TMEM232: variants seen among roughly 807,000 people sequenced by gnomAD.
TMEM232 encodes the protein transmembrane protein 232.
Under a neutral mutation model 78.8 loss-of-function variants are expected in TMEM232, and 80 were observed. That is an observed-to-expected ratio of 1.01 (90% confidence interval 0.85 to 1.22). TMEM232 has a LOEUF of 1.22. Ranked by LOEUF, TMEM232 falls within the 50% of genes most tolerant of loss-of-function variation. TMEM232 has a pLI of 0.00. For missense variants in TMEM232, 881 were observed against 742.2 expected (o/e 1.19, Z -2.17); for synonymous variants, 297 against 254.3 (o/e 1.17, Z -1.60).
chr5:110,553,492 G>A (rs1040241018), intron 11 of TMEM232, among the ~76,000 whole-genome samples: 3 of 151,868 alleles, frequency 2.0e-5, no homozygotes, highest in African/African-American at 7.3e-5. Context: ...TGACTATTGT[G>A]AATGGTATTG....
At chr5:110,667,997 T>A (rs1034788377) in intron 1 of TMEM232, among the ~76,000 whole-genome samples, 1 of 152,096 alleles carries the variant, frequency 6.6e-6, no homozygotes, top group Admixed American at 6.6e-5. Context: ...TTGTGTTTAG[T>A]GGAGATTTAG....
At chr5:110,621,277 A>G (rs1783718356) in intron 7 of TMEM232, among the ~76,000 whole-genome samples, 1 of 152,310 alleles carries the variant, frequency 6.6e-6, no homozygotes, top group African/African-American at 2.4e-5. Flanking sequence ...ATCATCACAT[A>G]TATCATCAGT....
In TMEM232 at chr5:110,524,363, A is replaced by AAAG. The variant is rs1296115700; in HGVS notation, c.1703+4224_1703+4225insCTT. 6.6e-5 allele frequency among the ~76,000 whole-genome samples: 8 copies of AAAG among 120,390 alleles called. No individual in the cohort carries two copies. The East Asian group carries it at 1.2e-3, about 18-fold the overall frequency. 79.0% of individuals were successfully genotyped at this position (120,390 alleles called of 152,430 possible). On this transcript the variant is annotated intron_variant, in intron 12 of 13. Coordinates refer to ENST00000455884, the MANE Select transcript of TMEM232 (RefSeq NM_001039763.4). ...AAAGAAAGAGAAAGAAAGAAAGAAAAAAAGAAAGAAAGAAAGAAAGAAAGA... is the reference window on the plus strand; with the variant it reads ...AAAGAAAGAGAAAGAAAGAAAGAAAAAAGAAAGAAAGAAAGAAAGAAAGAAAGA...
intron 1 of TMEM232, among the ~76,000 whole-genome samples, chr5:110,704,225 T>G (rs1180936162): frequency 6.6e-6 from 1 of 152,098 alleles, no homozygotes; most frequent in East Asian, 1.9e-4. Flanking sequence ...CACCTGAACT[T>G]TGTTGGAGAG....
rs946368691 is a variant in TMEM232 at position 110,642,310 on chromosome 5, C to T, written c.187G>A (p.Glu63Lys). ...GCTAGTTCCAACAATTCTTCCTTCT[C>T]TTTGGAATTTTGTGTTTGATTGAAT... Reference protein sequence around the residue: ...LRFNQTQNSKEKEELLELARK... With the variant: ...LRFNQTQNSKKKEELLELARK... The change falls in exon 3 of 14, where the codon GAG (glutamate) becomes AAG (lysine). Residue 63 changes from glutamate (E) to lysine (K), a missense_variant. By Grantham distance (56) the Glu-to-Lys change is moderately conservative. Coordinates refer to ENST00000455884, the MANE Select transcript of TMEM232 (RefSeq NM_001039763.4). The T allele has an allele frequency of 6.5e-7, 1 of 1,539,656 alleles. No homozygotes were observed. Among genetic ancestry groups the T allele is most frequent in the Non-Finnish European group, 8.8e-7 (1 of 1,142,688 alleles).
chr5:110,608,615 A>G (rs1391571588), intron 8 of TMEM232, among the ~76,000 whole-genome samples: 2 of 152,078 alleles, frequency 1.3e-5, no homozygotes, highest in Non-Finnish European at 2.9e-5. Context: ...AAGATCCATC[A>G]GTGTTAGCCA....
intron 2 of TMEM232, among the ~76,000 whole-genome samples, chr5:110,646,005 A>C (rs2150037166): frequency 6.6e-6 from 1 of 151,802 alleles, no homozygotes; most frequent in East Asian, 1.9e-4. Context: ...AAATTTATCA[A>C]AGAGGTGAAA....
chr5:110,422,899 A>G (rs929764337), intron 13 of TMEM232, among the ~76,000 whole-genome samples: 2 of 152,174 alleles, frequency 1.3e-5, no homozygotes, highest in African/African-American at 4.8e-5. Context: ...AGGAAGCAAA[A>G]AAATAGATAT....
At chr5:110,726,088 A>G (rs1219858528) in intron 1 of TMEM232, among the ~76,000 whole-genome samples, 3 of 142,948 alleles carry the variant, frequency 2.1e-5, no homozygotes, top group Non-Finnish European at 3.0e-5. Flanking sequence ...ACACATCTCC[A>G]ATATACCCCC....
Position 110,709,955 on chromosome 5 carries a change from A to T in TMEM232, c.-13+16672T>A, listed in dbSNP as rs571353927. Among the ~76,000 whole-genome samples the T allele has an allele frequency of 2.0e-5, 3 of 152,136 alleles. No individual in the cohort carries two copies. The East Asian group carries it at 5.8e-4, about 29-fold the overall frequency. Reference sequence around the variant, plus strand: ...TAAGTGACTTTGAAATGAAGAAAAAAATCAAAAAAATCAATTACCATGAAA... The same window carrying T: ...TAAGTGACTTTGAAATGAAGAAAAATATCAAAAAAATCAATTACCATGAAA... On this transcript the variant is annotated intron_variant, in intron 1 of 13. Coordinates refer to ENST00000455884, the MANE Select transcript of TMEM232 (RefSeq NM_001039763.4).
At chr5:110,634,435 T>G (rs1046026975) in intron 5 of TMEM232, among the ~76,000 whole-genome samples, 1 of 152,068 alleles carries the variant, frequency 6.6e-6, no homozygotes, top group Admixed American at 6.6e-5. Context: ...CCAGGTTAGA[T>G]CATATGCTAG....
At chr5:110,638,122 T>C (rs1469893378) in intron 5 of TMEM232, 76 bp downstream of exon 5, 1 of 1,148,378 alleles carries the variant, frequency 8.7e-7, no homozygotes, top group African/African-American at 1.6e-5. Flanking sequence ...TCTGTTTTGA[T>C]CCTAAAACAG....
Position 110,645,936 on chromosome 5 carries a change from G to A in TMEM232, c.126-3565C>T, listed in dbSNP as rs1045672513. On this transcript the variant is annotated intron_variant, in intron 2 of 13. Transcript: ENST00000455884. ...ATAAACAATGAACTATCCAAAATAG[G>A]AAATGGAGAAAACAATCCTATTTAT... Among the ~76,000 whole-genome samples, 4 of 151,424 alleles carry A rather than the reference G, an allele frequency of 2.6e-5. No individual in the cohort carries two copies. In the South Asian group the frequency reaches 8.3e-4, roughly 31 times the overall value.
chr5:110,540,777 C>T (rs1187003826), intron 11 of TMEM232, among the ~76,000 whole-genome samples: 1 of 152,170 alleles, frequency 6.6e-6, no homozygotes, highest in African/African-American at 2.4e-5. Context: ...AAAAGCTTAA[C>T]ATCTATACAG....
chr5:110,650,899 G>T (rs1005786624), intron 2 of TMEM232, among the ~76,000 whole-genome samples: 1 of 152,120 alleles, frequency 6.6e-6, no homozygotes, highest in Non-Finnish European at 1.5e-5. Flanking sequence ...AGGAGAAACT[G>T]AGTGCAGGGT....
At chr5:110,399,101 G>A (rs758930064) in intron 2 of TMEM232, among the ~76,000 whole-genome samples, 2 of 151,578 alleles carry the variant, frequency 1.3e-5, no homozygotes, top group South Asian at 2.1e-4. Context: ...GGTCTGCCAC[G>A]AAGAACCCTG....
chr5:110,522,825 T>C (rs1581060384), intron 12 of TMEM232, among the ~76,000 whole-genome samples: 1 of 152,280 alleles, frequency 6.6e-6, no homozygotes, highest in East Asian at 1.9e-4. Context: ...GTTACTATTT[T>C]GTTGAGGATT....
At chr5:110,477,094 C>A (rs541171864) in intron 12 of TMEM232, among the ~76,000 whole-genome samples, 10 of 152,076 alleles carry the variant, frequency 6.6e-5, no homozygotes, top group African/African-American at 2.4e-4. Context: ...AGGCCTGTTT[C>A]AGATGTTAAA....
intron 12 of TMEM232, among the ~76,000 whole-genome samples, chr5:110,466,531 A>G (rs1580796547): frequency 6.6e-6 from 1 of 152,076 alleles, no homozygotes; most frequent in African/African-American, 2.4e-5. Context: ...TTTATTGCAC[A>G]GGGACTTTTT....
Sources: gnomAD v4.1 joint callset for allele counts (sites outside exome capture counted in the v4.1 genomes callset) on GRCh38, gnomAD v4.1.1 for gene constraint, MANE v1.5 for transcripts, NCBI Gene and HGNC (gene_info 2026-07-23, HGNC 2026-07-21) for gene names.